UNC13C: variants seen among roughly 807,000 people sequenced by gnomAD.
UNC13C encodes the protein unc-13 homolog C.
UNC13C carries 174 observed loss-of-function variants against 245.4 expected under a neutral mutation model. The observed-to-expected ratio is 0.71, with a 90% CI of 0.63 to 0.80. The LOEUF (loss-of-function observed/expected upper bound fraction) is 0.80, where lower values mean the gene tolerates loss of function less well. UNC13C is among the 30% of genes least tolerant of loss of function. The pLI is 0.00. For synonymous variants in UNC13C, 992 were observed against 895.1 expected (o/e 1.11, Z -1.93); for missense variants, 2,829 against 2,602.9 (o/e 1.09, Z -1.89).
chr15:54,604,405 A>T (rs1317305018), intron 30 of UNC13C, among the ~76,000 whole-genome samples: 1 of 152,158 alleles, frequency 6.6e-6, no homozygotes, highest in Non-Finnish European at 1.5e-5. Context: ...AAAGAAAGAA[A>T]ACAAAAGAAA....
At chr15:53,879,660 C>T in the UNC13C span, among the ~76,000 whole-genome samples, 4 of 152,228 alleles carry the variant, frequency 2.6e-5, no homozygotes, top group East Asian at 7.8e-4. Flanking sequence ...ACTATCTCAG[C>T]TCACTGCAAC....
intron 2 of UNC13C, among the ~76,000 whole-genome samples, chr15:54,027,484 C>T (rs370501371): frequency 1.2e-3 from 186 of 152,336 alleles, no homozygotes; most frequent in African/African-American, 4.3e-3. Context: ...ATTTTCCTGC[C>T]TCAGCTTCCC....
chr15:54,265,543 A>T, intron 10 of UNC13C, 47 bp downstream of exon 10: 1 of 1,369,914 alleles, frequency 7.3e-7, no homozygotes, highest in Non-Finnish European at 9.7e-7. Context: ...TTATTTAACA[A>T]TGAATTTAAG....
intron 7 of UNC13C, among the ~76,000 whole-genome samples, chr15:54,243,175 C>T (rs1019550175): frequency 1.5e-4 from 22 of 150,286 alleles, no homozygotes; most frequent in Middle Eastern, 6.9e-3. Flanking sequence ...TGTTATTCCC[C>T]GCCGCATGTC....
chr15:54,095,135 A>T (rs1320953351), intron 2 of UNC13C, among the ~76,000 whole-genome samples: 1 of 152,182 alleles, frequency 6.6e-6, no homozygotes, highest in Non-Finnish European at 1.5e-5. Context: ...TGGAAGCCTC[A>T]CTACAGAACA....
chr15:53,874,252 G>T, the UNC13C span, among the ~76,000 whole-genome samples: 1 of 152,026 alleles, frequency 6.6e-6, no homozygotes, highest in Non-Finnish European at 1.5e-5. Flanking sequence ...TCTGCTCCAG[G>T]TATTATACAA....
At chr15:54,139,603 A>C (rs1267065389) in intron 2 of UNC13C, among the ~76,000 whole-genome samples, 1 of 152,170 alleles carries the variant, frequency 6.6e-6, no homozygotes, top group East Asian at 1.9e-4. Context: ...AATATTCTCA[A>C]CAGCCTTGGG....
Position 54,181,331 on chromosome 15 carries a change from G to A in UNC13C, c.3071+37647G>A, listed in dbSNP as rs553562861. Among the ~76,000 whole-genome samples, 4 of 152,078 alleles carry A rather than the reference G, an allele frequency of 2.6e-5. No individual in the cohort carries two copies. In the East Asian group the frequency reaches 7.7e-4, roughly 29 times the overall value. On this transcript the variant is annotated intron_variant, in intron 4 of 32. Coordinates refer to ENST00000260323, the MANE Select transcript of UNC13C (RefSeq NM_001080534.3). ...TGAAGATGTGCTGCTTTATTTCTGG[G>A]TTCTCTCTTCTGTTCCATTGGTCTA...
intron 4 of UNC13C, among the ~76,000 whole-genome samples, chr15:54,208,263 G>A (rs1336801562): frequency 3.3e-5 from 5 of 152,062 alleles, no homozygotes; most frequent in Non-Finnish European, 7.4e-5. Context: ...CCCCCGCCCT[G>A]TGATACTAAC....
the UNC13C span, among the ~76,000 whole-genome samples, chr15:53,862,535 A>G: frequency 3.9e-5 from 6 of 152,148 alleles, no homozygotes; most frequent in African/African-American, 1.4e-4. Context: ...ATCAGACTTT[A>G]GGGTCTGAGA....
chr15:54,358,014 T>C (rs1397221473), intron 17 of UNC13C, among the ~76,000 whole-genome samples: 1 of 152,124 alleles, frequency 6.6e-6, no homozygotes, highest in African/African-American at 2.4e-5. Context: ...AAAAAATATC[T>C]AGGAGTTTCT....
rs1023939944 is a variant in UNC13C, at chr15:54,562,699, T to C, written c.5959-5101T>C. Among the ~76,000 whole-genome samples the C allele has an allele frequency of 2.6e-5, 4 of 152,088 alleles. 1 individual carries two copies. Among genetic ancestry groups the C allele is most frequent in the Admixed American group, 1.3e-4 (2 of 15,244 alleles). Reference sequence around the variant, plus strand: ...TTATTCTGTTCCCTTTTCTGTGTGATAGACTTTCAGATATCGAAGAAAACT... The same window carrying C: ...TTATTCTGTTCCCTTTTCTGTGTGACAGACTTTCAGATATCGAAGAAAACT... On this transcript the variant is annotated intron_variant, in intron 29 of 32. Transcript: ENST00000260323.
chr15:53,913,634 T>C, the UNC13C span: 7 of 152,348 alleles, frequency 4.6e-5, no homozygotes, highest in African/African-American at 1.7e-4. Context: ...ACATCCACTT[T>C]AGCAAAGTGG....
chr15:53,941,783 A>G, the UNC13C span, among the ~76,000 whole-genome samples: 1 of 152,232 alleles, frequency 6.6e-6, no homozygotes, highest in Non-Finnish European at 1.5e-5. Context: ...GAGGACATTC[A>G]TGGGGCCAAA....
At chr15:54,248,861 C>A (rs1407324928) in intron 7 of UNC13C, among the ~76,000 whole-genome samples, 2 of 152,094 alleles carry the variant, frequency 1.3e-5, no homozygotes, top group Non-Finnish European at 2.9e-5. Context: ...CAAACATATT[C>A]TGGGAAAACA....
intron 10 of UNC13C, among the ~76,000 whole-genome samples, chr15:54,279,488 T>C (rs1213706378): frequency 6.6e-6 from 1 of 152,200 alleles, no homozygotes; most frequent in African/African-American, 2.4e-5. Flanking sequence ...CCTCTCCCGA[T>C]TCAAGTTTGG....
chr15:54,526,661 G>C (rs947793498), intron 25 of UNC13C, among the ~76,000 whole-genome samples: 1 of 149,122 alleles, frequency 6.7e-6, no homozygotes, highest in African/African-American at 2.5e-5. Context: ...GGAGAATGGC[G>C]TGAACCCTGG....
intron 2 of UNC13C, chr15:54,049,915 T>C (rs1413754638): frequency 9.0e-6 from 2 of 221,570 alleles, no homozygotes; most frequent in African/African-American, 4.7e-5. Context: ...TGAGTTCCAA[T>C]CTATTTTTAA....
At chr15:54,113,651 C>G (rs138917093) in intron 2 of UNC13C, among the ~76,000 whole-genome samples, 51 of 152,064 alleles carry the variant, frequency 3.4e-4, no homozygotes, top group African/African-American at 1.2e-3. Flanking sequence ...ACTGTGAAAC[C>G]CCGTCTCTAC....
Sources: gnomAD v4.1 joint callset for allele counts (sites outside exome capture counted in the v4.1 genomes callset) on GRCh38, gnomAD v4.1.1 for gene constraint, MANE v1.5 for transcripts, NCBI Gene and HGNC (gene_info 2026-07-23, HGNC 2026-07-21) for gene names.